The following CLNS1A variants were observed in gnomAD, a reference collection of about 807,000 sequenced individuals.
CLNS1A encodes the protein chloride nucleotide-sensitive channel 1A, also known as methylosome subunit pICln.
Under a neutral mutation model 29.4 loss-of-function variants are expected in CLNS1A, and 16 were observed. The observed-to-expected ratio is 0.54, with a 90% confidence interval of 0.37 to 0.83. The LOEUF is 0.83. CLNS1A is among the 40% of genes least tolerant of loss of function. CLNS1A has a pLI of 0.00. For missense variants in CLNS1A, 235 were observed against 287.4 expected, an observed-to-expected ratio of 0.82 and a Z score of 1.32; for synonymous variants, 96 against 104.8, an observed-to-expected ratio of 0.92 and a Z score of 0.51.
chr11:77,636,378 A>G (rs1489275602), intron 1 of CLNS1A, among the ~76,000 whole-genome samples: 2 of 152,132 alleles, frequency 1.3e-5, no homozygotes, highest in African/African-American at 4.8e-5. Flanking sequence ...CAACACGGTC[A>G]TATGTACAAC....
intron 2 of CLNS1A, among the ~76,000 whole-genome samples, chr11:77,627,586 G>A (rs1362540453): frequency 6.6e-6 from 1 of 152,006 alleles, no homozygotes; most frequent in Non-Finnish European, 1.5e-5. Flanking sequence ...CAATCATATA[G>A]ATTCTGTATG....
At chr11:77,634,394 AT>A (rs778672812) in intron 1 of CLNS1A, among the ~76,000 whole-genome samples, 2 of 152,076 alleles carry the variant, frequency 1.3e-5, no homozygotes, top group Non-Finnish European at 2.9e-5. Flanking sequence ...ATGTGTGTGT[AT>A]TTATACCCTT....
chr11:77,637,692 G>A lies in CLNS1A; in HGVS notation c.23C>T (p.Pro8Leu). 1 of 1,560,422 alleles carries A rather than the reference G, an allele frequency of 6.4e-7. No individual in the cohort carries two copies. Among genetic ancestry groups the A allele is most frequent in the South Asian group, 1.2e-5 (1 of 84,706 alleles). Reference protein sequence around the residue: MSFLKSFPPPGPAEGLLR... With the variant: MSFLKSFLPPGPAEGLLR... ...GAGCCCCTCCGCTGGCCCAGGCGGC[G>A]GGAAACTTTTGAGGAAGCTCATAGC... The change falls in exon 1 of 7, where the codon CCG (proline) becomes CTG (leucine). Residue 8 changes from proline (P) to leucine (L), a missense_variant. By Grantham distance (98) the Pro-to-Leu change is moderately conservative. Coordinates refer to ENST00000525428, the MANE Select transcript of CLNS1A (RefSeq NM_001293.3).
intron 3 of CLNS1A, 58 bp from the exon 4 acceptor site, chr11:77,625,128 T>A: frequency 7.9e-7 from 1 of 1,258,026 alleles, no homozygotes; most frequent in Non-Finnish European, 1.1e-6. Context: ...TAACCATCAG[T>A]GCAAATAAAT....
Position 77,637,592 on chromosome 11 carries a change from C to A in CLNS1A, c.123G>T (p.Glu41Asp). Residue 41 changes from glutamate to aspartate, a missense_variant and splice_region_variant, in exon 1 of 7, where the codon GAG (glutamate) becomes GAT (aspartate). Coordinates refer to ENST00000525428, the MANE Select transcript of CLNS1A (RefSeq NM_001293.3). ...GCGCTGGGGACCAGGAACCCTACCT[C>A]TCAGCGATGTAAAGGGTACCAGTGC... ...GLGTGTLYIA[E>D]SRLSWLDGSG... is the part of the protein sequence containing the mutation. 2 of 1,602,644 alleles carry A rather than the reference C, an allele frequency of 1.2e-6. No individual in the cohort carries two copies. The highest frequency in any genetic ancestry group is 1.7e-6 in the Non-Finnish European group (2 of 1,175,024).
At chr11:77,637,488 C>G in intron 1 of CLNS1A, 102 bp downstream of exon 1, 2 of 1,422,654 alleles carry the variant, frequency 1.4e-6, no homozygotes, top group Non-Finnish European at 1.9e-6. Flanking sequence ...CCGCTCCCAG[C>G]AGGCCTCCAG....
At chr11:77,617,127 G>A (rs1169151648) in intron 6 of CLNS1A, among the ~76,000 whole-genome samples, 1 of 151,840 alleles carries the variant, frequency 6.6e-6, no homozygotes, top group Non-Finnish European at 1.5e-5. Context: ...CAGCACTTTG[G>A]GAGGCCAAGG....
intron 4 of CLNS1A, among the ~76,000 whole-genome samples, chr11:77,623,038 C>A (rs66488360): frequency 0.16 from 23,962 of 151,238 alleles, 2,232 homozygotes; most frequent in African/African-American, 0.23. Context: ...TATTTATACA[C>A]ACATATAGGC....
intron 1 of CLNS1A, among the ~76,000 whole-genome samples, chr11:77,630,638 G>A (rs371949286): frequency 6.6e-6 from 1 of 152,126 alleles, no homozygotes; most frequent in East Asian, 1.9e-4. Context: ...GTGGTCAAAT[G>A]CAAATATTTT....
chr11:77,623,444 A>C lies in CLNS1A; in HGVS notation c.473-771T>G, dbSNP rs1027457810. Among the ~76,000 whole-genome samples the C allele has an allele frequency of 2.0e-5, 3 of 151,964 alleles. No homozygotes were observed. The East Asian group carries it at 5.8e-4, about 29-fold the overall frequency. On this transcript the variant is annotated intron_variant, in intron 4 of 6. Coordinates refer to ENST00000525428, the MANE Select transcript of CLNS1A (RefSeq NM_001293.3). ...ATCTCTCCAAAAAAATGTTTTTTTT[A>C]ATTAGCCGGGCACGTGGTGTGCACC... is the stretch of plus-strand genomic sequence containing the variant.
At chr11:77,625,690 G>A (rs1410121519) in intron 3 of CLNS1A, 27 bp downstream of exon 3, 1 of 1,589,720 alleles carries the variant, frequency 6.3e-7, no homozygotes, top group Non-Finnish European at 8.6e-7. Context: ...TGTAAAAGGG[G>A]AAGAATCAAT....
chr11:77,624,971 T>A lies in CLNS1A; in HGVS notation c.464A>T (p.Glu155Val). 6.2e-7 allele frequency: 1 copy of A among 1,605,010 alleles called. No individual in the cohort carries two copies. Among genetic ancestry groups the A allele is most frequent in the African/African-American group, 1.3e-5 (1 of 74,770 alleles). ...DDYDGEEYDV[E>V]AHEQGQGDIP... ...AAATCCATTTCACTAACCATGTGCT[T>A]CCACATCATATTCTTCTCCATCGTA... The change falls in exon 4 of 7, where the codon GAA (glutamate) becomes GTA (valine). Residue 155 changes from glutamate to valine, a missense_variant. Glu to Val is a moderately radical substitution (Grantham distance 121). Coordinates refer to ENST00000525428, the MANE Select transcript of CLNS1A (RefSeq NM_001293.3).
At chr11:77,626,608 CA>C (rs1481549408) in intron 2 of CLNS1A, among the ~76,000 whole-genome samples, 1 of 151,358 alleles carries the variant, frequency 6.6e-6, no homozygotes, top group Non-Finnish European at 1.5e-5. Flanking sequence ...CATCGCACTC[CA>C]GCCTAGGTGA....
chr11:77,615,186 A>G lies in CLNS1A; in HGVS notation c.*1532T>C, dbSNP rs1164394220. On this transcript the variant is annotated 3_prime_UTR_variant, in exon 7 of 7. Coordinates refer to ENST00000525428, the MANE Select transcript of CLNS1A (RefSeq NM_001293.3). The stretch of plus-strand genomic sequence containing the variant: ...AAAAGGAACTCAAATGGAATTTCTA[A>G]TATTAGCCTGTGAGAATGTCCTGAC... 2.0e-5 allele frequency: 3 copies of G among 152,228 alleles called. No homozygotes were observed. The highest frequency in any genetic ancestry group is 4.4e-5 in the Non-Finnish European group (3 of 68,038). The allele number at this position is 152,228 out of a possible 1,614,324, so 9.4% of individuals were successfully genotyped here. A position where few individuals can be genotyped will look rare whatever the true frequency, so the allele number is the denominator to read the frequency against.
chr11:77,635,072 T>G (rs1959110662), intron 1 of CLNS1A, among the ~76,000 whole-genome samples: 1 of 152,234 alleles, frequency 6.6e-6, no homozygotes, highest in South Asian at 2.1e-4. Flanking sequence ...TCCGAAGTGC[T>G]GCGATTACAG....
intron 5 of CLNS1A, among the ~76,000 whole-genome samples, chr11:77,621,060 G>GTTAC: frequency 6.6e-6 from 1 of 151,742 alleles, no homozygotes; most frequent in African/African-American, 2.4e-5. Context: ...ACTTTGGGAG[G>GTTAC]CTGAGGCGGG....
At chr11:77,631,950 C>T (rs1206553840) in intron 1 of CLNS1A, among the ~76,000 whole-genome samples, 4 of 152,084 alleles carry the variant, frequency 2.6e-5, no homozygotes, top group East Asian at 1.9e-4. Flanking sequence ...GACGGCCAGG[C>T]TGGTCTCAAA....
chr11:77,616,944 G>A (rs185015892), intron 6 of CLNS1A, among the ~76,000 whole-genome samples: 6 of 152,298 alleles, frequency 3.9e-5, no homozygotes, highest in Admixed American at 2.6e-4. Flanking sequence ...TTAACGTGCC[G>A]TCTCCACCCC....
rs1023320099 is a variant in CLNS1A at position 77,622,764 on chromosome 11, A to C, written c.473-91T>G. 11 of 997,446 alleles carry C rather than the reference A, an allele frequency of 1.1e-5. No homozygotes were observed. The East Asian group carries it at 2.4e-4, about 22-fold the overall frequency. The allele number at this position is 997,446 out of a possible 1,614,324, so 61.8% of individuals were successfully genotyped here. A position where few individuals can be genotyped will look rare whatever the true frequency, so the allele number is the denominator to read the frequency against. ...TATATCTGCCGCCAGCCTGGCCAAC[A>C]TGGTGAAACCCTATCTCTACTAAAA... On this transcript the variant is annotated intron_variant, in intron 4 of 6. Coordinates refer to ENST00000525428, the MANE Select transcript of CLNS1A (RefSeq NM_001293.3).
Sources: gnomAD v4.1 joint callset for allele counts (sites outside exome capture counted in the v4.1 genomes callset) on GRCh38, gnomAD v4.1.1 for gene constraint, MANE v1.5 for transcripts, NCBI Gene and HGNC (gene_info 2026-07-23, HGNC 2026-07-21) for gene names.